Variants in DLGAP2 observed in about 807,000 individuals in gnomAD.
DLGAP2 encodes DLG associated protein 2.
A neutral mutation model predicts 100.3 loss-of-function variants in DLGAP2; 26 were observed. That is an observed-to-expected ratio of 0.26 (90% CI 0.19 to 0.36). DLGAP2 has a LOEUF of 0.36. Ranked by LOEUF, DLGAP2 falls within the 10% of genes least tolerant of loss-of-function variation. The probability of loss-of-function intolerance (pLI) is 1.00; values close to 1 mark genes in which losing one functional copy is unlikely to be tolerated. For synonymous variants in DLGAP2, 886 were observed against 630.1 expected (o/e 1.41, Z -6.08); for missense variants, 1,858 against 1,453.2 (o/e 1.28, Z -4.53).
intron 2 of DLGAP2, among the ~76,000 whole-genome samples, chr8:1,256,460 C>CGT (rs1248764390): frequency 1.1e-5 from 1 of 92,016 alleles, no homozygotes; most frequent in Non-Finnish European, 2.0e-5. Flanking sequence ...AGGTGCTGTG[C>CGT]GTGTCCTCTC....
At position 737,733 on chromosome 8, in the gene DLGAP2, C is replaced by G. The variant is rs2132549751; in HGVS notation, c.-75C>G. On this transcript the variant is annotated 5_prime_UTR_variant, in exon 1 of 15. Transcript: ENST00000637795. ...GACGTACTGACCCCAACCCGCGAGC[C>G]CCGGGAGCCGTCGGTCTGAGGAGGG... The G allele has an allele frequency of 2.7e-6, 1 of 375,370 alleles. No individual in the cohort carries two copies. The highest frequency in any genetic ancestry group is 2.1e-5 in the African/African-American group (1 of 47,618). The allele number at this position is 375,370 out of a possible 1,614,324, so 23.3% of individuals were successfully genotyped here.
chr8:1,465,255 G>A (rs565352454), intron 3 of DLGAP2, among the ~76,000 whole-genome samples: 75 of 152,382 alleles, frequency 4.9e-4, no homozygotes, highest in African/African-American at 1.6e-3. Flanking sequence ...ATTTGCTGGA[G>A]TGGCTCCCGA....
intron 2 of DLGAP2, among the ~76,000 whole-genome samples, chr8:1,124,494 T>C (rs945546120): frequency 1.1e-4 from 16 of 152,242 alleles, no homozygotes; most frequent in African/African-American, 3.9e-4. Context: ...TTTTCCTATG[T>C]TTCTATTTTT....
chr8:952,375 T>C (rs1414476644), intron 2 of DLGAP2, among the ~76,000 whole-genome samples: 1 of 152,206 alleles, frequency 6.6e-6, no homozygotes, highest in Non-Finnish European at 1.5e-5. Context: ...TCAAATTATT[T>C]AGTGCTTCAT....
Position 1,701,172 on chromosome 8 carries a change from T to A in DLGAP2, c.2950-16T>A, listed in dbSNP as rs1182421646. 1.3e-6 allele frequency: 2 copies of A among 1,551,222 alleles called. No individual in the cohort carries two copies. Among genetic ancestry groups the A allele is most frequent in the African/African-American group, 2.8e-5 (2 of 72,622 alleles). ...CCTCCGAGCACCTGCCAACGGTGAC[T>A]TGCGCTGCTTTTCAGGAAGAAAGAA... On this transcript the variant is annotated splice_polypyrimidine_tract_variant and intron_variant, in intron 14 of 14. Transcript: ENST00000637795.
intron 3 of DLGAP2, among the ~76,000 whole-genome samples, chr8:1,322,213 A>C (rs1800917220): frequency 6.6e-6 from 1 of 152,238 alleles, no homozygotes; most frequent in African/African-American, 2.4e-5. Context: ...TAAATATTTC[A>C]GATGTACATC....
At chr8:849,525 C>T (rs1418704252) in intron 1 of DLGAP2, among the ~76,000 whole-genome samples, 2 of 152,154 alleles carry the variant, frequency 1.3e-5, no homozygotes, top group Non-Finnish European at 1.5e-5. Flanking sequence ...TGAGAAGCTG[C>T]CAAGCTGCTT....
At position 1,701,741 on chromosome 8, in the gene DLGAP2, TTTG is replaced by T. The variant is rs1244907949; in HGVS notation, c.*338_*340del. On this transcript the variant is annotated 3_prime_UTR_variant, in exon 15 of 15. Transcript: ENST00000637795. ...TCTGGAGCTGGAACCCAGCTTACAT[TTTG>T]TTATTTCTATTTTTATAAATTGTGT... The T allele has an allele frequency of 1.4e-5, 5 of 353,912 alleles. No individual in the cohort carries two copies. Among genetic ancestry groups the T allele is most frequent in the African/African-American group, 2.1e-5 (1 of 47,148 alleles). 21.9% of individuals were successfully genotyped at this position (353,912 alleles called of 1,614,324 possible). A position where few individuals can be genotyped will look rare whatever the true frequency, so the allele number is the denominator to read the frequency against.
chr8:1,611,191 A>G (rs1245185930), intron 6 of DLGAP2, among the ~76,000 whole-genome samples: 1 of 134,372 alleles, frequency 7.4e-6, no homozygotes. Context: ...CTTATCCACC[A>G]TGATCAAGTG....
chr8:889,123 G>A (rs1346400321), intron 1 of DLGAP2, among the ~76,000 whole-genome samples: 3 of 152,208 alleles, frequency 2.0e-5, no homozygotes, highest in Non-Finnish European at 4.4e-5. Flanking sequence ...GATGAGCCAG[G>A]AGAAGGAATT....
At chr8:1,425,431 C>G (rs1204706355) in intron 3 of DLGAP2, among the ~76,000 whole-genome samples, 2 of 152,142 alleles carry the variant, frequency 1.3e-5, no homozygotes, top group South Asian at 2.1e-4. Flanking sequence ...GTACCAGGGA[C>G]CCATCAGGAA....
intron 3 of DLGAP2, among the ~76,000 whole-genome samples, chr8:1,424,109 G>T (rs1472288415): frequency 6.6e-6 from 1 of 152,262 alleles, no homozygotes; most frequent in African/African-American, 2.4e-5. Context: ...GAAGGTCCTT[G>T]TGAACTAAAG....
chr8:1,203,416 A>G (rs1468656339), intron 2 of DLGAP2, among the ~76,000 whole-genome samples: 2 of 151,998 alleles, frequency 1.3e-5, no homozygotes, highest in Non-Finnish European at 2.9e-5. Context: ...GTTAGAACCC[A>G]TGAGACTGAT....
Position 1,678,438 on chromosome 8 carries a change from A to T in DLGAP2, c.2513A>T (p.Asp838Val), listed in dbSNP as rs1196220663. 11 of 1,613,462 alleles carry T rather than the reference A, an allele frequency of 6.8e-6. No individual in the cohort carries two copies. Among genetic ancestry groups the T allele is most frequent in the Middle Eastern group, 1.6e-4 (1 of 6,082 alleles). Residue 838 changes from aspartate (D) to valine (V), a missense_variant, in exon 12 of 15, where the codon GAC (aspartate) becomes GTC (valine). Physicochemically the swap from Asp to Val is radical, Grantham distance 152. Transcript: ENST00000637795. ...SYREDYRTQV[D>V]TSTLPPPDPW... The stretch of plus-strand genomic sequence containing the variant: ...AGAGAAGACTATCGGACCCAAGTGG[A>T]CACCTCCACCCTGCCCCCTCCAGAC...
chr8:1,305,251 A>G (rs1800463580), intron 3 of DLGAP2, among the ~76,000 whole-genome samples: 1 of 152,208 alleles, frequency 6.6e-6, no homozygotes, highest in Admixed American at 6.5e-5. Context: ...AGTTGTGAAA[A>G]TGAGAGACAG....
chr8:1,378,573 A>T (rs568848762), intron 3 of DLGAP2, among the ~76,000 whole-genome samples: 1 of 150,928 alleles, frequency 6.6e-6, no homozygotes, highest in South Asian at 2.1e-4. Flanking sequence ...TCCTGCGCAC[A>T]CCTGGCCTCA....
At chr8:865,749 A>G (rs866297258) in intron 1 of DLGAP2, among the ~76,000 whole-genome samples, 1 of 152,134 alleles carries the variant, frequency 6.6e-6, no homozygotes, top group Non-Finnish European at 1.5e-5. Context: ...TCTGCCATGG[A>G]GCCCTTTTCT....
At chr8:961,857 C>T (rs868104079) in intron 2 of DLGAP2, among the ~76,000 whole-genome samples, 1 of 152,274 alleles carries the variant, frequency 6.6e-6, no homozygotes, top group African/African-American at 2.4e-5. Flanking sequence ...ACTAAACTGT[C>T]ATGATGAGTA....
rs561866002 is a variant in DLGAP2, at chr8:1,170,353, T to C, written c.74-88498T>C. 5.4e-4 allele frequency among the ~76,000 whole-genome samples: 82 copies of C among 152,172 alleles called. 1 individual carries two copies. The highest frequency in any genetic ancestry group is 1.8e-3 in the African/African-American group (73 of 41,510). ...ATTGGTCTAAAATTCTCTTTTTTGG[T>C]TGTGTCTCTGCCAGGCTTTGGTATC... On this transcript the variant is annotated intron_variant, in intron 2 of 14. Transcript: ENST00000637795.
Sources: gnomAD v4.1 joint callset for allele counts (sites outside exome capture counted in the v4.1 genomes callset) on GRCh38, gnomAD v4.1.1 for gene constraint, MANE v1.5 for transcripts, NCBI Gene and HGNC (gene_info 2026-07-23, HGNC 2026-07-21) for gene names.